MAML2: variants seen among roughly 807,000 people sequenced by gnomAD.
MAML2 encodes the protein mastermind-like protein 2.
In MAML2, 22 loss-of-function variants were observed where a neutral mutation model predicts 96.1. The ratio of observed to expected loss-of-function variants is 0.23; its 90% CI spans 0.16 to 0.33. The LOEUF (loss-of-function observed/expected upper bound fraction) is 0.33, where lower values mean the gene tolerates loss of function less well. Ranked by LOEUF, MAML2 falls within the 10% of genes least tolerant of loss-of-function variation. The pLI is 1.00. For missense variants in MAML2, 1,367 were observed against 1,392.4 expected, an observed-to-expected ratio of 0.98 and a Z score of 0.29; for synonymous variants, 561 against 521.3, an observed-to-expected ratio of 1.08 and a Z score of -1.04.
chr11:96,297,925 A>G (rs564105578), intron 1 of MAML2, among the ~76,000 whole-genome samples: 15 of 152,320 alleles, frequency 9.8e-5, no homozygotes, highest in African/African-American at 3.6e-4. Context: ...AAACACAGCC[A>G]ATTCAAATTT....
Position 96,319,405 on chromosome 11 carries a change from G to C in MAML2, c.513+21978C>G, listed in dbSNP as rs1229420108. 2.6e-5 allele frequency among the ~76,000 whole-genome samples: 4 copies of C among 152,184 alleles called. No homozygotes were observed. The East Asian group carries it at 7.7e-4, about 29-fold the overall frequency. ...AATGTTTGCTGCTTTCAACTGCCAA[G>C]TTTTGAAGTAATTTGTTACAAAGCA... On this transcript the variant is annotated intron_variant, in intron 1 of 4. Coordinates refer to ENST00000524717, the MANE Select transcript of MAML2 (RefSeq NM_032427.4).
chr11:96,256,009 G>T (rs1227028532), intron 1 of MAML2, among the ~76,000 whole-genome samples: 1 of 151,768 alleles, frequency 6.6e-6, no homozygotes, highest in East Asian at 1.9e-4. Context: ...GAGTAGCTGG[G>T]ATTACAAGCG....
intron 1 of MAML2, among the ~76,000 whole-genome samples, chr11:96,143,394 C>A (rs1045037583): frequency 6.6e-6 from 1 of 152,108 alleles, no homozygotes; most frequent in Non-Finnish European, 1.5e-5. Flanking sequence ...AATCTTTGAG[C>A]CCTCGGTCAT....
intron 2 of MAML2, among the ~76,000 whole-genome samples, chr11:96,004,447 T>TA (rs72515047): frequency 0.21 from 32,552 of 151,864 alleles, 4,148 homozygotes; most frequent in Non-Finnish European, 0.29. Context: ...CCTTTGGGAA[T>TA]AAAAAAAACC....
At chr11:96,006,610 G>A (rs1858182133) in intron 2 of MAML2, among the ~76,000 whole-genome samples, 1 of 150,048 alleles carries the variant, frequency 6.7e-6, no homozygotes, top group African/African-American at 2.5e-5. Flanking sequence ...CCAGGCTGGA[G>A]TGCAGTGGCA....
chr11:95,991,470 C>T (rs1372808222), intron 3 of MAML2, 50 bp downstream of exon 3: 3 of 1,543,448 alleles, frequency 1.9e-6, no homozygotes, highest in Non-Finnish European at 2.7e-6. Context: ...AATAAACTCC[C>T]TCTGTTGGGT....
At chr11:96,034,526 A>G (rs983567839) in intron 2 of MAML2, among the ~76,000 whole-genome samples, 5 of 152,038 alleles carry the variant, frequency 3.3e-5, no homozygotes, top group Non-Finnish European at 5.9e-5. Context: ...ATGAAACCAC[A>G]TAATTAAAAA....
intron 1 of MAML2, among the ~76,000 whole-genome samples, chr11:96,263,800 G>A (rs1862784878): frequency 1.3e-5 from 2 of 152,186 alleles, no homozygotes; most frequent in Non-Finnish European, 2.9e-5. Flanking sequence ...CATTAAAAGA[G>A]CAACCAAATT....
intron 1 of MAML2, among the ~76,000 whole-genome samples, chr11:96,187,969 G>C (rs1412475645): frequency 6.6e-6 from 1 of 152,176 alleles, no homozygotes; most frequent in African/African-American, 2.4e-5. Flanking sequence ...CATTTGGCCT[G>C]GCCTTCATGT....
intron 1 of MAML2, among the ~76,000 whole-genome samples, chr11:96,109,307 C>T (rs917653671): frequency 3.9e-5 from 6 of 152,030 alleles, no homozygotes; most frequent in East Asian, 1.9e-4. Flanking sequence ...TGCAGAGGAA[C>T]GTGGGCTTCA....
At chr11:96,177,575 G>C (rs1361121912) in intron 1 of MAML2, among the ~76,000 whole-genome samples, 2 of 152,132 alleles carry the variant, frequency 1.3e-5, no homozygotes, top group South Asian at 4.2e-4. Context: ...GTTTTTATTT[G>C]GGGCTGAGTC....
At position 96,287,005 on chromosome 11, in the gene MAML2, G is replaced by C. The variant is rs535707149; in HGVS notation, c.513+54378C>G. Among the ~76,000 whole-genome samples the C allele has an allele frequency of 1.5e-3, 223 of 152,286 alleles. 1 individual carries two copies. Among genetic ancestry groups the C allele is most frequent in the South Asian group, 3.9e-3 (19 of 4,824 alleles). On this transcript the variant is annotated intron_variant, in intron 1 of 4. Transcript: ENST00000524717. ...CAATATATTCACGAGAGAGCAGCCT[G>C]ATGCGCTGCTCTAGAGATGAAAATA...
At chr11:95,998,244 A>G (rs1286335106) in intron 2 of MAML2, among the ~76,000 whole-genome samples, 1 of 151,628 alleles carries the variant, frequency 6.6e-6, no homozygotes, top group Non-Finnish European at 1.5e-5. Flanking sequence ...TCTAGTCCAA[A>G]TCTCCAAAGT....
intron 1 of MAML2, among the ~76,000 whole-genome samples, chr11:96,192,555 T>G (rs925488785): frequency 6.6e-6 from 1 of 152,270 alleles, no homozygotes. Context: ...GGAATTTTGA[T>G]ATTTTATAAT....
chr11:96,007,169 A>T (rs12223178), intron 2 of MAML2, among the ~76,000 whole-genome samples: 1,121 of 83,560 alleles, frequency 0.013, 15 homozygotes, highest in African/African-American at 0.04. Flanking sequence ...TGTCCAGTTA[A>T]TTTTTTTTTT....
chr11:96,040,859 G>C (rs1190639591), intron 2 of MAML2, among the ~76,000 whole-genome samples: 1 of 152,154 alleles, frequency 6.6e-6, no homozygotes, highest in Non-Finnish European at 1.5e-5. Flanking sequence ...AAATAGCAAA[G>C]CTCAGTGCTG....
At chr11:96,107,603 C>T (rs150262236) in intron 1 of MAML2, among the ~76,000 whole-genome samples, 93 of 152,238 alleles carry the variant, frequency 6.1e-4, no homozygotes, top group Admixed American at 2.3e-3. Flanking sequence ...GCTGGGGGCT[C>T]CTGGATAGCC....
chr11:96,094,201 T>C (rs1352790144), intron 1 of MAML2, among the ~76,000 whole-genome samples: 1 of 152,250 alleles, frequency 6.6e-6, no homozygotes, highest in African/African-American at 2.4e-5. Context: ...CTTTAAGCAC[T>C]GATTTTCCTG....
intron 1 of MAML2, among the ~76,000 whole-genome samples, chr11:96,141,437 G>A (rs1008272983): frequency 4.6e-5 from 7 of 152,050 alleles, no homozygotes; most frequent in Non-Finnish European, 8.8e-5. Context: ...CTACGTAAGA[G>A]GCCCCAGCTA....
Sources: gnomAD v4.1 joint callset for allele counts (sites outside exome capture counted in the v4.1 genomes callset) on GRCh38, gnomAD v4.1.1 for gene constraint, MANE v1.5 for transcripts, NCBI Gene and HGNC (gene_info 2026-07-23, HGNC 2026-07-21) for gene names.